Variants in TTLL11 observed in about 807,000 individuals in gnomAD.
The protein encoded by TTLL11 is tubulin polyglutamylase TTLL11.
A neutral mutation model predicts 51.7 loss-of-function variants in TTLL11; 42 were observed. The observed-to-expected ratio is 0.81, with a 90% confidence interval of 0.64 to 1.05. The LOEUF (loss-of-function observed/expected upper bound fraction) is 1.05, where lower values mean the gene tolerates loss of function less well. Ranked by LOEUF, TTLL11 falls within the 50% of genes least tolerant of loss-of-function variation. The probability of loss-of-function intolerance (pLI) is 0.00; values close to 1 mark genes in which losing one functional copy is unlikely to be tolerated. For missense variants in TTLL11, 799 were observed against 940.4 expected (o/e 0.85, Z 1.97); for synonymous variants, 381 against 383.5 (o/e 0.99, Z 0.08).
chr9:121,934,235 AAAATAAATAAAT>A (rs58764604), intron 6 of TTLL11, among the ~76,000 whole-genome samples: 1 of 146,362 alleles, frequency 6.8e-6, no homozygotes, highest in Non-Finnish European at 1.5e-5. Flanking sequence ...CTCCATCTCA[AAAATAAATAAAT>A]AAATAAATAA....
At chr9:122,039,886 T>A (rs6478553) in intron 1 of TTLL11, among the ~76,000 whole-genome samples, 49,695 of 147,178 alleles carry the variant, frequency 0.34, 8,917 homozygotes, top group African/African-American at 0.46. Flanking sequence ...TCTCTCTCTC[T>A]CACACACACA....
Position 121,989,640 on chromosome 9 carries a change from T to C in TTLL11, c.824A>G (p.Gln275Arg). The C allele has an allele frequency of 6.2e-7, 1 of 1,614,200 alleles. No individual in the cohort carries two copies. Among genetic ancestry groups the C allele is most frequent in the Non-Finnish European group, 8.5e-7 (1 of 1,180,038 alleles). ...PSDIRLAGTL[Q>R]SRPAVVQEYI... ...CTCCTGGACCACCGCTGGCCTGCTC[T>C]GGAGGGTCCCTGCCAGGCGGATGTC... Residue 275 changes from glutamine to arginine, a missense_variant, in exon 4 of 9, where the codon CAG becomes CGG. Gln to Arg is a conservative substitution (Grantham distance 43). Coordinates refer to ENST00000321582, the MANE Select transcript of TTLL11 (RefSeq NM_001139442.2). The surrounding 1 kb of genome is among the most constrained non-coding windows in gnomAD (Gnocchi z 4.2).
intron 3 of TTLL11, among the ~76,000 whole-genome samples, chr9:122,029,880 A>G (rs1381566200): frequency 6.6e-6 from 1 of 152,090 alleles, no homozygotes. Context: ...ATCATTTTTC[A>G]TCTTTTATAC....
chr9:121,930,805 G>C (rs1840937267), intron 6 of TTLL11, among the ~76,000 whole-genome samples: 1 of 152,234 alleles, frequency 6.6e-6, no homozygotes, highest in Non-Finnish European at 1.5e-5. Flanking sequence ...GGGCAGTTGT[G>C]AGGATATGTG....
At chr9:121,901,837 C>T (rs939338269) in intron 6 of TTLL11, among the ~76,000 whole-genome samples, 1 of 152,220 alleles carries the variant, frequency 6.6e-6, no homozygotes, top group Non-Finnish European at 1.5e-5. Context: ...GTTTCAACAC[C>T]TGTTCACTCC....
In TTLL11 at chr9:121,822,719, C is replaced by CG; in HGVS notation, c.2000dup (p.Ser668ValfsTer34). The CG allele has an allele frequency of 6.4e-7, 1 of 1,550,914 alleles. No individual in the cohort carries two copies. Among genetic ancestry groups the CG allele is most frequent in the Non-Finnish European group, 8.7e-7 (1 of 1,146,868 alleles). ...CACGGTGTGGGGGCCGGCCCCCCGACGGGACGCCCCGGCCACACACCAGGC... is the reference window on the plus strand; with the variant it reads ...CACGGTGTGGGGGCCGGCCCCCCGACGGGGACGCCCCGGCCACACACCAGGC... On this transcript the variant is annotated frameshift_variant, in exon 9 of 9. Transcript: ENST00000321582. LOFTEE classifies it low-confidence loss of function (END_TRUNC). The surrounding 1 kb of genome is among the most constrained non-coding windows in gnomAD (Gnocchi z 5.8).
At chr9:122,071,740 T>C (rs1845735901) in intron 1 of TTLL11, among the ~76,000 whole-genome samples, 1 of 152,158 alleles carries the variant, frequency 6.6e-6, no homozygotes, top group South Asian at 2.1e-4. Context: ...ACTAATGCTA[T>C]TCCCCTACTC....
intron 6 of TTLL11, among the ~76,000 whole-genome samples, chr9:121,938,886 C>A (rs10985458): frequency 6.6e-6 from 1 of 152,048 alleles, no homozygotes; most frequent in Non-Finnish European, 1.5e-5. Flanking sequence ...GGAGTAATTT[C>A]TCAGTATCCA....
intron 8 of TTLL11, among the ~76,000 whole-genome samples, chr9:121,841,445 C>T (rs184964308): frequency 5.5e-4 from 83 of 152,266 alleles, no homozygotes; most frequent in Admixed American, 2.0e-3. Flanking sequence ...TCTGAGGCTG[C>T]GCTTATGTAA....
chr9:121,988,410 A>G (rs554985929), intron 4 of TTLL11, among the ~76,000 whole-genome samples: 1 of 118,150 alleles, frequency 8.5e-6, no homozygotes, highest in African/African-American at 3.3e-5. Context: ...TTTCTCTCCC[A>G]CCTCACCTTC....
At chr9:122,057,007 T>C (rs1208037856) in intron 1 of TTLL11, among the ~76,000 whole-genome samples, 1 of 152,018 alleles carries the variant, frequency 6.6e-6, no homozygotes, top group Admixed American at 6.6e-5. Context: ...AGGAAAGAAG[T>C]GCTGAATGGG....
chr9:121,924,069 C>A (rs1024976681), intron 6 of TTLL11, among the ~76,000 whole-genome samples: 1 of 152,212 alleles, frequency 6.6e-6, no homozygotes, highest in Non-Finnish European at 1.5e-5. Context: ...GCTTCCCCAG[C>A]CACGTGGAAC....
intron 6 of TTLL11, among the ~76,000 whole-genome samples, chr9:121,960,315 A>T (rs1298396619): frequency 6.6e-6 from 1 of 152,188 alleles, no homozygotes; most frequent in Non-Finnish European, 1.5e-5. Flanking sequence ...CCAGTGAGTG[A>T]ATAACCATAA....
chr9:121,881,734 C>A (rs1424892584), intron 6 of TTLL11, among the ~76,000 whole-genome samples: 4 of 152,168 alleles, frequency 2.6e-5, no homozygotes, highest in Admixed American at 6.5e-5. Flanking sequence ...TCCCACAGAC[C>A]TTTCTCAGAC....
At chr9:121,897,073 CTAAGAA>C (rs1373249389) in intron 6 of TTLL11, among the ~76,000 whole-genome samples, 2 of 152,254 alleles carry the variant, frequency 1.3e-5, no homozygotes, top group South Asian at 2.1e-4. Flanking sequence ...ACCTGAATGA[CTAAGAA>C]TGTCAGCCAG....
At chr9:122,089,016 CAAAAA>C (rs11432235) in intron 1 of TTLL11, among the ~76,000 whole-genome samples, 3 of 91,960 alleles carry the variant, frequency 3.3e-5, no homozygotes, top group Admixed American at 1.3e-4. Context: ...CACCCTGTCT[CAAAAA>C]AAAAAAAAAA....
chr9:122,057,181 G>C (rs1845309818), intron 1 of TTLL11, among the ~76,000 whole-genome samples: 1 of 152,158 alleles, frequency 6.6e-6, no homozygotes, highest in African/African-American at 2.4e-5. Flanking sequence ...TTTACTGCCT[G>C]TAGATTTAAA....
chr9:122,018,091 A>G (rs1461554993), intron 3 of TTLL11, among the ~76,000 whole-genome samples: 1 of 150,390 alleles, frequency 6.6e-6, no homozygotes, highest in Non-Finnish European at 1.5e-5. Flanking sequence ...CAAAGGAGCT[A>G]CTAAAATAAT....
chr9:122,008,689 A>G (rs1375227846), intron 3 of TTLL11, among the ~76,000 whole-genome samples: 1 of 152,238 alleles, frequency 6.6e-6, no homozygotes, highest in African/African-American at 2.4e-5. Flanking sequence ...CAGAAATCCT[A>G]CTGGGTTTTT....
Sources: gnomAD v4.1 joint callset for allele counts (sites outside exome capture counted in the v4.1 genomes callset) on GRCh38, gnomAD v4.1.1 for gene constraint, Gnocchi (gnomAD v3.1) non-coding constraint, MANE v1.5 for transcripts, NCBI Gene and HGNC (gene_info 2026-07-23, HGNC 2026-07-21) for gene names.